NDUFB8: variants seen among roughly 807,000 people sequenced by gnomAD.
NDUFB8 encodes the protein NADH dehydrogenase [ubiquinone] 1 beta subcomplex subunit 8, mitochondrial.
NDUFB8 carries 17 observed loss-of-function variants against 26.0 expected under a neutral mutation model. That is an observed-to-expected ratio of 0.65 (90% CI 0.45 to 0.98). NDUFB8 has a LOEUF of 0.98. NDUFB8 is among the 50% of genes least tolerant of loss of function. The probability of loss-of-function intolerance (pLI) is 0.00; values close to 1 mark genes in which losing one functional copy is unlikely to be tolerated. For synonymous variants in NDUFB8, 89 were observed against 93.1 expected, an observed-to-expected ratio of 0.96 and a Z score of 0.25; for missense variants, 238 against 255.0, an observed-to-expected ratio of 0.93 and a Z score of 0.45.
intron 2 of NDUFB8, among the ~76,000 whole-genome samples, chr10:100,528,605 A>G (rs1196390402): frequency 6.6e-6 from 1 of 152,176 alleles, no homozygotes; most frequent in Non-Finnish European, 1.5e-5. Flanking sequence ...TCCCCAACAA[A>G]TCCAGGTTCA....
At chr10:100,526,182 G>A (rs1291497997) in intron 4 of NDUFB8, 5 of 454,234 alleles carry the variant, frequency 1.1e-5, no homozygotes, top group African/African-American at 2.1e-5. Flanking sequence ...TAGTCTTCAA[G>A]TGTATCTACT....
intron 1 of NDUFB8, 104 bp downstream of exon 1, chr10:100,529,663 C>T (rs1054843975): frequency 4.1e-5 from 63 of 1,541,620 alleles, no homozygotes; most frequent in African/African-American, 2.3e-4. Context: ...CACCTCCACT[C>T]CCTACCCGGA....
Position 100,527,604 on chromosome 10 carries a change from A to G in NDUFB8, c.213-530T>C, listed in dbSNP as rs192028171. Among the ~76,000 whole-genome samples the G allele has an allele frequency of 9.0e-4, 137 of 152,350 alleles. 1 individual carries two copies. The highest frequency in any genetic ancestry group is 3.3e-3 in the African/African-American group (136 of 41,584). On this transcript the variant is annotated intron_variant, in intron 2 of 4. Transcript: ENST00000299166. ...GGCAACAAGAGTGAAACTGTCTGAA[A>G]AAAACAAAACAAAACAAAAAAACCC...
rs1292342856 is a variant in NDUFB8, at chr10:100,524,824, C to A, written c.469-895G>T. ...ATTATGTCACTTTTCTGTTCGAAAA[C>A]CCAAAATGGCTCCCTGCCACCTAGA... On this transcript the variant is annotated intron_variant, in intron 4 of 4. Transcript: ENST00000299166. The surrounding 1 kb of genome is among the most constrained non-coding windows in gnomAD (Gnocchi z 4.0). 4.6e-5 allele frequency among the ~76,000 whole-genome samples: 7 copies of A among 152,214 alleles called. No homozygotes were observed. Among genetic ancestry groups the A allele is most frequent in the Non-Finnish European group, 8.8e-5 (6 of 68,026 alleles).
At chr10:100,526,364 A>C in intron 4 of NDUFB8, 35 bp downstream of exon 4, 1 of 1,541,460 alleles carries the variant, frequency 6.5e-7, no homozygotes, top group Non-Finnish European at 8.7e-7. Flanking sequence ...GGGGCTAAGC[A>C]AGCGTGCCTA....
chr10:100,526,487 T>G lies in NDUFB8; in HGVS notation c.380A>C (p.His127Pro). ...ACCGAAGAGCTGCATACACATGACA[T>G]GCCAAGAAACAGGTGTGGGGGATGT... is the stretch of plus-strand genomic sequence containing the variant. ...VDTSPTPVSW[H>P]VMCMQLFGFL... The change falls in exon 4 of 5, where the codon CAT becomes CCT. Residue 127 changes from histidine (H) to proline (P), a missense_variant. Coordinates refer to ENST00000299166, the MANE Select transcript of NDUFB8 (RefSeq NM_005004.4). The G allele has an allele frequency of 6.2e-7, 1 of 1,612,762 alleles. No homozygotes were observed. The highest frequency in any genetic ancestry group is 1.1e-5 in the South Asian group (1 of 90,868).
Position 100,527,065 on chromosome 10 carries a change from G to A in NDUFB8, c.222C>T (p.Asp74=), listed in dbSNP as rs759812842. ...GTGAGCGGTCAGGGAGCTTCGGGTA[G>A]TCGCCATACCTGAAAGACAGCAAGA... ...PYPDDGMGYG[D]YPKLPDRSQH... is the part of the protein sequence containing the mutation. The change falls in exon 3 of 5, where the codon GAC becomes GAT. Residue 74 remains aspartate, a synonymous_variant. Transcript: ENST00000299166. 3.7e-6 allele frequency: 6 copies of A among 1,613,966 alleles called. No homozygotes were observed. In the South Asian group the frequency reaches 6.6e-5, roughly 18 times the overall value.
chr10:100,529,254 G>C (rs1852104595), intron 2 of NDUFB8, 126 bp downstream of exon 2: 2 of 518,862 alleles, frequency 3.9e-6, no homozygotes, highest in African/African-American at 5.6e-5. Flanking sequence ...ACAGAGAAAA[G>C]CACCCACTCC....
intron 1 of NDUFB8, 80 bp downstream of exon 1, chr10:100,529,687 G>A: frequency 1.3e-6 from 2 of 1,551,962 alleles, no homozygotes; most frequent in African/African-American, 1.4e-5. Flanking sequence ...TGCCGCCGCG[G>A]CATCTACGAT....
At chr10:100,526,629 C>A (rs1416399417) in intron 3 of NDUFB8, 75 bp from the exon 4 acceptor site, 2 of 1,554,392 alleles carry the variant, frequency 1.3e-6, no homozygotes, top group Non-Finnish European at 1.8e-6. Context: ...GTGATTAGAG[C>A]CTGATACAAG....
Position 100,524,125 on chromosome 10 carries a change from G to C in NDUFB8, c.469-196C>G. ...CAGAGAGAAAGCCTAAATTGTAAGA[G>C]AAGTGGTGCCTACACTGTGAGAGAG... On this transcript the variant is annotated intron_variant, in intron 4 of 4. Transcript: ENST00000299166. This position sits in a 1 kb window ranked among gnomAD's most constrained non-coding sequence, Gnocchi z 4.0. The C allele has an allele frequency of 6.3e-7, 1 of 1,576,368 alleles. No homozygotes were observed. The highest frequency in any genetic ancestry group is 8.6e-7 in the Non-Finnish European group (1 of 1,161,104).
In NDUFB8 at chr10:100,529,389, T is replaced by C; in HGVS notation, c.203A>G (p.Asp68Gly). 1 of 1,608,690 alleles carries C rather than the reference T, an allele frequency of 6.2e-7. No homozygotes were observed. Residue 68 changes from aspartate to glycine, a missense_variant, in exon 2 of 5, where the codon GAT becomes GGT. Transcript: ENST00000299166. ...RVEDYEPYPD[D>G]GMGYGDYPKL... ...ACCCTCTCTGTCTCACCCCATGCCA[T>C]CATCCGGGTAAGGTTCGTAGTCTTC...
At position 100,526,519 on chromosome 10, in the gene NDUFB8, A is replaced by G. The variant is rs1852054619; in HGVS notation, c.348T>C (p.Arg116=). ...HWHLDMYNRN[R]VDTSPTPVSW... ...AAACAGGTGTGGGGGATGTATCCAC[A>G]CGGTTCCTGTTGTACATGTCTAGGT... The change falls in exon 4 of 5, where the codon CGT becomes CGC. Residue 116 remains arginine, a synonymous_variant. Coordinates refer to ENST00000299166, the MANE Select transcript of NDUFB8 (RefSeq NM_005004.4). 1.9e-6 allele frequency: 3 copies of G among 1,612,484 alleles called. No homozygotes were observed. Among genetic ancestry groups the G allele is most frequent in the South Asian group, 1.1e-5 (1 of 90,828 alleles).
At position 100,526,975 on chromosome 10, in the gene NDUFB8, C is replaced by T. The variant is rs368053910; in HGVS notation, c.312G>A (p.Pro104=). The T allele has an allele frequency of 4.2e-5, 68 of 1,612,750 alleles. No homozygotes were observed. The highest frequency in any genetic ancestry group is 6.7e-5 in the Admixed American group (4 of 59,986). The change falls in exon 3 of 5, where the codon CCG becomes CCA. Residue 104 remains proline, a splice_region_variant and synonymous_variant. Coordinates refer to ENST00000299166, the MANE Select transcript of NDUFB8 (RefSeq NM_005004.4). ...QPGLRLNWGE[P]MHWHLDMYNR... ...GTCAAATGAGATATGGTTCTCTTAC[C>T]GGTTCACCCCAGTTCAACCTCAGGC...
intron 2 of NDUFB8, among the ~76,000 whole-genome samples, chr10:100,527,853 CTT>C (rs1358725214): frequency 2.6e-5 from 4 of 152,150 alleles, no homozygotes; most frequent in African/African-American, 9.7e-5. Context: ...GAATCTTGCT[CTT>C]GTTGCCCAGA....
intron 2 of NDUFB8, 80 bp downstream of exon 2, chr10:100,529,300 A>G: frequency 3.8e-6 from 5 of 1,329,426 alleles, no homozygotes; most frequent in Non-Finnish European, 4.9e-6. Flanking sequence ...GTTCGGGAAA[A>G]AGGGTCACAG....
intron 4 of NDUFB8, among the ~76,000 whole-genome samples, chr10:100,525,650 GTGTGTGTGTGTGTT>G: frequency 1.6e-5 from 2 of 122,564 alleles, no homozygotes; most frequent in Non-Finnish European, 3.8e-5. Flanking sequence ...GTGTGTGTGT[GTGTGTGTGTGTGTT>G]AGCATCTAGG....
upstream of NDUFB8, chr10:100,529,873 C>T (rs1852123452): frequency 6.2e-7 from 1 of 1,612,932 alleles, no homozygotes; most frequent in Non-Finnish European, 8.5e-7. Context: ...TCACGTTTCC[C>T]TTCTGCACAT....
In NDUFB8 at chr10:100,529,871, C is replaced by G. The variant is rs1564659022; in HGVS notation, c.-20G>C. 1 of 1,613,074 alleles carries G rather than the reference C, an allele frequency of 6.2e-7. No homozygotes were observed. The highest frequency in any genetic ancestry group is 8.5e-7 in the Non-Finnish European group (1 of 1,179,472). ...CGCCATCTTCACCTTCTTCACGTTT[C>G]CCTTCTGCACATGCGCAAAGGCCTG... On this transcript the variant is annotated 5_prime_UTR_variant, in exon 1 of 5. Coordinates refer to ENST00000299166, the MANE Select transcript of NDUFB8 (RefSeq NM_005004.4).
Sources: allele counts gnomAD v4.1 joint callset (sites outside exome capture counted in the v4.1 genomes callset), GRCh38; gene constraint gnomAD v4.1.1; non-coding constraint Gnocchi (gnomAD v3.1); transcripts MANE v1.5; gene names NCBI Gene and HGNC (gene_info 2026-07-23, HGNC 2026-07-21).